The following CRIM1 variants were observed in gnomAD, a reference collection of about 807,000 sequenced individuals.
CRIM1 encodes the protein cysteine-rich motor neuron 1 protein.
Under a neutral mutation model 116.4 loss-of-function variants are expected in CRIM1, and 32 were observed. The observed-to-expected ratio is 0.27, with a 90% CI of 0.21 to 0.37. The LOEUF (loss-of-function observed/expected upper bound fraction) is 0.37, where lower values mean the gene tolerates loss of function less well. Among genes scored for constraint, CRIM1 ranks in the 10% least tolerant of loss-of-function variants. CRIM1 has a pLI of 1.00. For missense variants in CRIM1, 1,331 were observed against 1,354.8 expected (o/e 0.98, Z 0.28); for synonymous variants, 590 against 509.2 (o/e 1.16, Z -2.13).
At chr2:36,409,013 G>A (rs200601627) in intron 2 of CRIM1, among the ~76,000 whole-genome samples, 13 of 147,840 alleles carry the variant, frequency 8.8e-5, no homozygotes, top group Admixed American at 2.0e-4. Context: ...CCTCAGAGGG[G>A]AAAAAAAAAA....
In CRIM1 at chr2:36,517,513, C is replaced by G; in HGVS notation, c.2177C>G (p.Thr726Ser). 1 of 1,613,972 alleles carries G rather than the reference C, an allele frequency of 6.2e-7. No homozygotes were observed. The highest frequency in any genetic ancestry group is 1.1e-5 in the South Asian group (1 of 91,074). ...PPLLCQNPSR[T>S]QDSCCPQCTD... is the part of the protein sequence containing the mutation. Reference sequence around the variant, plus strand: ...CTGCTCTGCCAGAACCCCTCACGCACCCAGGATTCCTGCTGCCCACAGTGT... The same window carrying G: ...CTGCTCTGCCAGAACCCCTCACGCAGCCAGGATTCCTGCTGCCCACAGTGT... The change falls in exon 12 of 17, where the codon ACC becomes AGC. Residue 726 changes from threonine (T) to serine (S), a missense_variant. This residue lies in a region of CRIM1 where 358 missense variants were observed against 436.1 expected (regional missense o/e 0.82). Coordinates refer to ENST00000280527, the MANE Select transcript of CRIM1 (RefSeq NM_016441.3).
intron 2 of CRIM1, among the ~76,000 whole-genome samples, chr2:36,424,846 A>T (rs1401901721): frequency 2.6e-5 from 4 of 152,160 alleles, no homozygotes; most frequent in Non-Finnish European, 5.9e-5. Context: ...GTATTAAATT[A>T]TCATATGTAC....
At chr2:36,508,815 G>A (rs1681605548) in intron 8 of CRIM1, among the ~76,000 whole-genome samples, 2 of 152,092 alleles carry the variant, frequency 1.3e-5, no homozygotes, top group African/African-American at 4.8e-5. Context: ...CTTCAGTAAT[G>A]TTGCTAGTCA....
In CRIM1 at chr2:36,396,095, A is replaced by G. The variant is rs528547867; in HGVS notation, c.332-519A>G. Among the ~76,000 whole-genome samples, 6 of 152,152 alleles carry G rather than the reference A, an allele frequency of 3.9e-5. No individual in the cohort carries two copies. In the South Asian group the frequency reaches 1.2e-3, roughly 32 times the overall value. On this transcript the variant is annotated intron_variant, in intron 1 of 16. Transcript: ENST00000280527. Reference sequence around the variant, plus strand: ...CTAATTTTTTGTTTTGTTTTTGTAGAGACTGGGTCTCACTGTGTTGCCCAG... The same window carrying G: ...CTAATTTTTTGTTTTGTTTTTGTAGGGACTGGGTCTCACTGTGTTGCCCAG...
At chr2:36,506,079 G>T (rs981549930) in intron 8 of CRIM1, among the ~76,000 whole-genome samples, 1 of 151,606 alleles carries the variant, frequency 6.6e-6, no homozygotes, top group Admixed American at 6.6e-5. Flanking sequence ...CAGCAGCTCT[G>T]CAAGCTGCAA....
At chr2:36,502,060 T>G (rs1375165788) in intron 8 of CRIM1, among the ~76,000 whole-genome samples, 2 of 152,224 alleles carry the variant, frequency 1.3e-5, no homozygotes, top group African/African-American at 2.4e-5. Context: ...ATTAATACAT[T>G]TTTTCTGAGT....
At chr2:36,402,139 C>A (rs1231714697) in intron 2 of CRIM1, among the ~76,000 whole-genome samples, 2 of 152,166 alleles carry the variant, frequency 1.3e-5, no homozygotes, top group Non-Finnish European at 2.9e-5. Flanking sequence ...GATGGTCACA[C>A]AGGCAGTAAA....
intron 8 of CRIM1, among the ~76,000 whole-genome samples, chr2:36,503,875 C>A (rs569395549): frequency 1.3e-5 from 2 of 151,926 alleles, no homozygotes. Flanking sequence ...CCATTAGCTT[C>A]TAGATTTTTT....
chr2:36,401,445 AC>A (rs1247918686), intron 2 of CRIM1, among the ~76,000 whole-genome samples: 1 of 152,214 alleles, frequency 6.6e-6, no homozygotes, highest in Non-Finnish European at 1.5e-5. Context: ...TCCGTGCCTT[AC>A]TACTTATTCA....
chr2:36,400,745 A>G (rs899681918), intron 2 of CRIM1, among the ~76,000 whole-genome samples: 3 of 152,086 alleles, frequency 2.0e-5, no homozygotes, highest in Admixed American at 6.6e-5. Flanking sequence ...GGGCAGAAAG[A>G]ATTTTGTTGA....
intron 4 of CRIM1, among the ~76,000 whole-genome samples, chr2:36,453,660 A>C (rs1676905123): frequency 6.6e-6 from 1 of 152,262 alleles, no homozygotes; most frequent in Non-Finnish European, 1.5e-5. Flanking sequence ...CAGGAATAAA[A>C]TATAGTCGCT....
At chr2:36,382,970 C>G (rs910411657) in intron 1 of CRIM1, among the ~76,000 whole-genome samples, 1 of 152,160 alleles carries the variant, frequency 6.6e-6, no homozygotes, top group Non-Finnish European at 1.5e-5. Flanking sequence ...GCTGTTAGTT[C>G]TTGAAAGGTG....
chr2:36,487,869 G>C (rs1341300022), intron 7 of CRIM1, among the ~76,000 whole-genome samples: 6 of 151,956 alleles, frequency 3.9e-5, no homozygotes, highest in Non-Finnish European at 7.4e-5. Context: ...GTATTTAAAT[G>C]GTCATATACT....
intron 7 of CRIM1, among the ~76,000 whole-genome samples, chr2:36,486,181 G>A (rs1012148691): frequency 6.6e-6 from 1 of 152,152 alleles, no homozygotes; most frequent in African/African-American, 2.4e-5. Context: ...AAGATTTTGT[G>A]ATTTTTCACA....
chr2:36,406,106 T>TA (rs1227804742), intron 2 of CRIM1, among the ~76,000 whole-genome samples: 1 of 151,336 alleles, frequency 6.6e-6, no homozygotes, highest in Non-Finnish European at 1.5e-5. Flanking sequence ...TGTTATTGAC[T>TA]GTATTAGAAA....
chr2:36,438,356 C>T (rs1334284289), intron 2 of CRIM1, among the ~76,000 whole-genome samples: 1 of 152,132 alleles, frequency 6.6e-6, no homozygotes, highest in African/African-American at 2.4e-5. Context: ...CAAAGCTTTT[C>T]TTAATTATAA....
chr2:36,367,668 G>A (rs576071973), intron 1 of CRIM1, among the ~76,000 whole-genome samples: 1 of 152,308 alleles, frequency 6.6e-6, no homozygotes, highest in Non-Finnish European at 1.5e-5. Context: ...AAGTGATAGT[G>A]TCTACATGAC....
intron 1 of CRIM1, among the ~76,000 whole-genome samples, chr2:36,387,342 T>A (rs995633442): frequency 6.6e-6 from 1 of 152,202 alleles, no homozygotes; most frequent in Admixed American, 6.5e-5. Flanking sequence ...ATTTATTAAT[T>A]TTTAAGTAAG....
intron 7 of CRIM1, among the ~76,000 whole-genome samples, chr2:36,490,562 C>G (rs1680156300): frequency 2.0e-5 from 3 of 152,124 alleles, no homozygotes; most frequent in Admixed American, 6.6e-5. Flanking sequence ...GGCTCCATCC[C>G]CATTGCTGAG....
Sources: allele counts gnomAD v4.1 joint callset (sites outside exome capture counted in the v4.1 genomes callset), GRCh38; gene constraint gnomAD v4.1.1; regional missense constraint gnomAD v4.1.1; transcripts MANE v1.5; gene names NCBI Gene and HGNC (gene_info 2026-07-23, HGNC 2026-07-21).